IMMP2L: variants seen among roughly 807,000 people sequenced by gnomAD.
The protein encoded by IMMP2L is mitochondrial inner membrane protease subunit 2.
IMMP2L carries 18 observed loss-of-function variants against 19.3 expected under a neutral mutation model. The ratio of observed to expected loss-of-function variants is 0.93; its 90% CI spans 0.64 to 1.38. The LOEUF (loss-of-function observed/expected upper bound fraction) is 1.38. Ranked by LOEUF, IMMP2L falls within the 40% of genes most tolerant of loss-of-function variation. The pLI is 0.00. For synonymous variants in IMMP2L, 76 were observed against 73.0 expected (o/e 1.04, Z -0.21); for missense variants, 233 against 218.2 (o/e 1.07, Z -0.43).
chr7:110,740,235 G>C (rs1796908311), intron 5 of IMMP2L, among the ~76,000 whole-genome samples: 1 of 151,898 alleles, frequency 6.6e-6, no homozygotes, highest in South Asian at 2.1e-4. Flanking sequence ...AAATGAAATT[G>C]AAACAAACAA....
intron 3 of IMMP2L, among the ~76,000 whole-genome samples, chr7:111,104,531 T>G (rs530931102): frequency 4.6e-5 from 7 of 151,974 alleles, no homozygotes; most frequent in African/African-American, 1.7e-4. Context: ...TGAGGGGACA[T>G]TATATGTGAA....
chr7:111,255,625 A>T (rs181953152), intron 3 of IMMP2L, among the ~76,000 whole-genome samples: 2 of 152,046 alleles, frequency 1.3e-5, no homozygotes, highest in Non-Finnish European at 2.9e-5. Context: ...ACATTATGTC[A>T]CAAGTTTACA....
intron 3 of IMMP2L, among the ~76,000 whole-genome samples, chr7:111,018,823 ATTAT>A (rs1825976160): frequency 6.8e-6 from 1 of 148,022 alleles, no homozygotes; most frequent in Non-Finnish European, 1.5e-5. Flanking sequence ...TATTATTATT[ATTAT>A]TATTATTATT....
At chr7:111,489,082 C>T (rs977849273) in intron 2 of IMMP2L, among the ~76,000 whole-genome samples, 71 of 133,844 alleles carry the variant, frequency 5.3e-4, no homozygotes, top group African/African-American at 2.0e-3. Context: ...CTCACACCGT[C>T]GCCCAGGCTG....
intron 4 of IMMP2L, among the ~76,000 whole-genome samples, chr7:110,890,754 G>C (rs1810708668): frequency 6.6e-6 from 1 of 152,092 alleles, no homozygotes; most frequent in South Asian, 2.1e-4. Flanking sequence ...CTGTCTAAAA[G>C]AAAAGGCATT....
chr7:111,361,738 G>A (rs1356655612), intron 3 of IMMP2L, among the ~76,000 whole-genome samples: 1 of 152,032 alleles, frequency 6.6e-6, no homozygotes, highest in African/African-American at 2.4e-5. Flanking sequence ...CAGAAGTTCA[G>A]CTTTATCATA....
chr7:110,919,967 C>G (rs996340710), intron 4 of IMMP2L, among the ~76,000 whole-genome samples: 7 of 152,180 alleles, frequency 4.6e-5, no homozygotes, highest in African/African-American at 1.7e-4. Flanking sequence ...GCTGAGTCTT[C>G]TGGCCTTCAT....
At chr7:110,706,410 C>A (rs1023874498) in intron 5 of IMMP2L, among the ~76,000 whole-genome samples, 1 of 152,180 alleles carries the variant, frequency 6.6e-6, no homozygotes, top group Non-Finnish European at 1.5e-5. Flanking sequence ...AGCAGTAGTT[C>A]TAAGTTCTTT....
chr7:110,887,149 C>G (rs1432564336), intron 4 of IMMP2L, among the ~76,000 whole-genome samples: 1 of 151,928 alleles, frequency 6.6e-6, no homozygotes, highest in Non-Finnish European at 1.5e-5. Flanking sequence ...TTTTCATAAC[C>G]TCTTAATACT....
At chr7:110,835,024 T>A (rs1480631550) in intron 5 of IMMP2L, among the ~76,000 whole-genome samples, 1 of 152,050 alleles carries the variant, frequency 6.6e-6, no homozygotes, top group Non-Finnish European at 1.5e-5. Flanking sequence ...CCTGAAAATT[T>A]TTTTCCCCCA....
At chr7:111,390,831 G>A (rs1584921107) in intron 3 of IMMP2L, 2 of 152,050 alleles carry the variant, frequency 1.3e-5, no homozygotes, top group Middle Eastern at 3.2e-3. Context: ...TTCAATTTCT[G>A]TGTATTTTTA....
chr7:111,242,040 T>C (rs529252061), intron 3 of IMMP2L, among the ~76,000 whole-genome samples: 12 of 152,196 alleles, frequency 7.9e-5, no homozygotes, highest in African/African-American at 2.9e-4. Flanking sequence ...TTCTAGATTA[T>C]GAAGAATTAT....
chr7:110,833,450 A>G (rs1371425362), intron 5 of IMMP2L, among the ~76,000 whole-genome samples: 1 of 150,526 alleles, frequency 6.6e-6, no homozygotes, highest in African/African-American at 2.4e-5. Flanking sequence ...AAAAAAAAAA[A>G]AAAAAAGAGA....
At chr7:110,905,530 A>C (rs892034810) in intron 4 of IMMP2L, among the ~76,000 whole-genome samples, 2 of 152,162 alleles carry the variant, frequency 1.3e-5, no homozygotes, top group African/African-American at 4.8e-5. Context: ...CAAAAATTTT[A>C]GAGCAGGTAA....
chr7:111,409,495 T>C (rs1296795990), intron 3 of IMMP2L, among the ~76,000 whole-genome samples: 1 of 151,818 alleles, frequency 6.6e-6, no homozygotes, highest in Non-Finnish European at 1.5e-5. Flanking sequence ...TACATGTACA[T>C]CACCAACTTG....
intron 3 of IMMP2L, among the ~76,000 whole-genome samples, chr7:111,233,165 A>G (rs970884773): frequency 1.3e-5 from 2 of 152,164 alleles, no homozygotes; most frequent in African/African-American, 4.8e-5. Flanking sequence ...ATTACATTCA[A>G]TGCATGCACA....
At chr7:111,184,446 T>A (rs933617346) in intron 3 of IMMP2L, among the ~76,000 whole-genome samples, 1 of 152,062 alleles carries the variant, frequency 6.6e-6, no homozygotes, top group Non-Finnish European at 1.5e-5. Flanking sequence ...ATATTCAATT[T>A]CTCCATATTC....
chr7:111,419,465 C>G (rs1340375086), intron 3 of IMMP2L, among the ~76,000 whole-genome samples: 3 of 151,614 alleles, frequency 2.0e-5, no homozygotes, highest in Non-Finnish European at 2.9e-5. Flanking sequence ...AAACCTGTCT[C>G]CCGTGCTATT....
chr7:111,378,603 A>C (rs1830909412), intron 3 of IMMP2L, among the ~76,000 whole-genome samples: 1 of 151,976 alleles, frequency 6.6e-6, no homozygotes, highest in Non-Finnish European at 1.5e-5. Context: ...TATCTCTAAA[A>C]TCCCTTTCTT....
Sources: allele counts gnomAD v4.1 joint callset (sites outside exome capture counted in the v4.1 genomes callset), GRCh38; gene constraint gnomAD v4.1.1; transcripts MANE v1.5; gene names NCBI Gene and HGNC (gene_info 2026-07-23, HGNC 2026-07-21).